ADIPOR2: variants seen among roughly 807,000 people sequenced by gnomAD.
ADIPOR2 encodes the protein adiponectin receptor protein 2.
In ADIPOR2, 18 loss-of-function variants were observed where a neutral mutation model predicts 40.9. The observed-to-expected ratio is 0.44, with a 90% CI of 0.30 to 0.65. ADIPOR2 has a LOEUF of 0.65. Among genes scored for constraint, ADIPOR2 ranks in the 30% least tolerant of loss-of-function variants. The pLI, the probability that ADIPOR2 is intolerant of heterozygous loss-of-function variation, is 0.09. For synonymous variants in ADIPOR2, 165 were observed against 166.4 expected, an observed-to-expected ratio of 0.99 and a Z score of 0.06; for missense variants, 283 against 479.2, an observed-to-expected ratio of 0.59 and a Z score of 3.82.
chr12:1,703,016 T>C (rs1053833501), intron 1 of ADIPOR2: 3 of 152,228 alleles, frequency 2.0e-5, no homozygotes, highest in African/African-American at 7.2e-5. Context: ...GTCTTTAAAA[T>C]GTTTATTAAA....
At chr12:1,710,950 C>T (rs190688888) in intron 1 of ADIPOR2, among the ~76,000 whole-genome samples, 5 of 152,136 alleles carry the variant, frequency 3.3e-5, no homozygotes, top group South Asian at 2.1e-4. Flanking sequence ...ATGGCTGTTA[C>T]GGGACCTAGA....
intron 1 of ADIPOR2, among the ~76,000 whole-genome samples, chr12:1,717,377 A>G (rs2094689650): frequency 6.6e-6 from 1 of 152,088 alleles, no homozygotes; most frequent in African/African-American, 2.4e-5. Flanking sequence ...TGCTTAGGTT[A>G]TATTGCTTAG....
At chr12:1,706,679 C>T (rs972518828) in intron 1 of ADIPOR2, among the ~76,000 whole-genome samples, 1 of 152,120 alleles carries the variant, frequency 6.6e-6, no homozygotes, top group African/African-American at 2.4e-5. Flanking sequence ...TGTACATACC[C>T]ACCCAGATAA....
rs151105781 is a variant in ADIPOR2, at chr12:1,764,286, T to G, written c.172-8556T>G. 4.0e-3 allele frequency among the ~76,000 whole-genome samples: 613 copies of G among 152,304 alleles called. 6 individuals carry two copies. Among genetic ancestry groups the G allele is most frequent in the African/African-American group, 0.014 (596 of 41,572 alleles). On this transcript the variant is annotated intron_variant, in intron 2 of 7. Transcript: ENST00000357103. The stretch of plus-strand genomic sequence containing the variant: ...TGAGGGTCATAGTTTACTTTTTTCA[T>G]AAATCAATCCAGTTAGGTATCTTTG...
rs550926946 is a variant in ADIPOR2 at position 1,721,416 on chromosome 12, A to T, written c.-87+30225A>T. 2.0e-4 allele frequency among the ~76,000 whole-genome samples: 31 copies of T among 151,858 alleles called. 1 individual carries two copies. The highest frequency in any genetic ancestry group is 4.1e-4 in the Non-Finnish European group (28 of 67,964). The stretch of plus-strand genomic sequence containing the variant: ...TTTTTAGTACAGATGGGGTTTCACC[A>T]TGTTGGCCAGGCTGGTCTTGAATTC... On this transcript the variant is annotated intron_variant, in intron 1 of 7. Coordinates refer to ENST00000357103, the MANE Select transcript of ADIPOR2 (RefSeq NM_024551.3).
chr12:1,779,601 C>A (rs911398899), intron 4 of ADIPOR2, among the ~76,000 whole-genome samples: 2 of 152,120 alleles, frequency 1.3e-5, no homozygotes, highest in Non-Finnish European at 2.9e-5. Context: ...GATGGTTGTA[C>A]AACCTTGTGA....
intron 1 of ADIPOR2, chr12:1,695,940 A>G (rs1224261045): frequency 1.3e-5 from 2 of 152,428 alleles, no homozygotes; most frequent in African/African-American, 4.8e-5. Context: ...CATTCTGGCT[A>G]TACCTAATCA....
At chr12:1,728,140 C>T (rs1269551566) in intron 1 of ADIPOR2, among the ~76,000 whole-genome samples, 5 of 150,566 alleles carry the variant, frequency 3.3e-5, no homozygotes, top group Middle Eastern at 3.2e-3. Flanking sequence ...GAGATGAAGT[C>T]TCGCTCTTGT....
At chr12:1,769,189 A>G (rs1005067840) in intron 2 of ADIPOR2, among the ~76,000 whole-genome samples, 5 of 152,248 alleles carry the variant, frequency 3.3e-5, no homozygotes, top group Non-Finnish European at 5.9e-5. Flanking sequence ...ATTGGAAGAC[A>G]GAGACTATTT....
chr12:1,743,953 C>T (rs1458275175), intron 1 of ADIPOR2, among the ~76,000 whole-genome samples: 9 of 152,126 alleles, frequency 5.9e-5, no homozygotes, highest in South Asian at 4.1e-4. Context: ...TTGTGTATGC[C>T]TGTGCCACCC....
intron 1 of ADIPOR2, among the ~76,000 whole-genome samples, chr12:1,715,665 A>G (rs1331348607): frequency 6.6e-6 from 1 of 152,196 alleles, no homozygotes; most frequent in East Asian, 1.9e-4. Flanking sequence ...AATTCCTAGC[A>G]GCAGTTGGGG....
chr12:1,770,312 G>A (rs1862470656), intron 2 of ADIPOR2, among the ~76,000 whole-genome samples: 1 of 152,148 alleles, frequency 6.6e-6, no homozygotes, highest in Non-Finnish European at 1.5e-5. Context: ...CTTAATGGTA[G>A]TATACATTAG....
intron 2 of ADIPOR2, among the ~76,000 whole-genome samples, chr12:1,764,750 A>G (rs1376972275): frequency 6.6e-6 from 1 of 152,016 alleles, no homozygotes; most frequent in Non-Finnish European, 1.5e-5. Flanking sequence ...GGCATGGATT[A>G]ATTTTGCTTG....
intron 1 of ADIPOR2, among the ~76,000 whole-genome samples, chr12:1,751,691 T>A (rs73040763): frequency 0.14 from 21,502 of 148,542 alleles, 1,727 homozygotes; most frequent in African/African-American, 0.22. Context: ...ATTAAAAAAA[T>A]TTTTTTTTTT....
At chr12:1,696,122 C>G (rs2094638273) in intron 1 of ADIPOR2, 2 of 155,810 alleles carry the variant, frequency 1.3e-5, no homozygotes, top group Non-Finnish European at 2.9e-5. Context: ...ATTACTTGCT[C>G]CTTATCACTA....
intron 2 of ADIPOR2, among the ~76,000 whole-genome samples, chr12:1,771,226 A>G (rs1862488035): frequency 6.6e-6 from 1 of 151,988 alleles, no homozygotes; most frequent in Non-Finnish European, 1.5e-5. Context: ...ACACGTGCGC[A>G]CAGTGGTGTA....
chr12:1,715,918 A>C (rs1429639512), intron 1 of ADIPOR2, among the ~76,000 whole-genome samples: 5 of 152,066 alleles, frequency 3.3e-5, no homozygotes, highest in Non-Finnish European at 7.4e-5. Context: ...ATGGAGGGGG[A>C]CAAATAAGGG....
intron 2 of ADIPOR2, chr12:1,757,908 G>A (rs1057110894): frequency 6.0e-6 from 5 of 839,788 alleles, no homozygotes; most frequent in Middle Eastern, 2.4e-4. Flanking sequence ...CAACTTGTGG[G>A]GACTAGTGGA....
intron 2 of ADIPOR2, among the ~76,000 whole-genome samples, chr12:1,761,295 C>T (rs1011717592): frequency 1.3e-5 from 2 of 152,204 alleles, no homozygotes; most frequent in South Asian, 2.1e-4. Flanking sequence ...TTCCACTTTT[C>T]GACTGTTGCA....
Sources: allele counts gnomAD v4.1 joint callset (sites outside exome capture counted in the v4.1 genomes callset), GRCh38; gene constraint gnomAD v4.1.1; transcripts MANE v1.5; gene names NCBI Gene and HGNC (gene_info 2026-07-23, HGNC 2026-07-21).